Variants in SNX3 observed in about 807,000 individuals in gnomAD.
SNX3 encodes sorting nexin-3.
Under a neutral mutation model 17.7 loss-of-function variants are expected in SNX3, and 5 were observed. That is an observed-to-expected ratio of 0.28 (90% CI 0.15 to 0.59). The LOEUF is 0.59. SNX3 is among the 20% of genes least tolerant of loss of function. The pLI, the probability that SNX3 is intolerant of heterozygous loss-of-function variation, is 0.88. For synonymous variants in SNX3, 91 were observed against 76.5 expected (o/e 1.19, Z -0.99); for missense variants, 132 against 206.8 (o/e 0.64, Z 2.22).
intron 2 of SNX3, chr6:108,222,246 A>G: frequency 7.7e-7 from 1 of 1,304,280 alleles, no homozygotes; most frequent in Non-Finnish European, 1.0e-6. Flanking sequence ...TCTAGTCACA[A>G]AATAACTTTT....
intron 1 of SNX3, among the ~76,000 whole-genome samples, chr6:108,257,983 T>TA (rs926156009): frequency 1.3e-5 from 2 of 151,536 alleles, no homozygotes; most frequent in Non-Finnish European, 2.9e-5. Flanking sequence ...AAAATAAAAA[T>TA]AAAAAAAGAA....
chr6:108,244,468 T>C (rs1176990459), intron 1 of SNX3, among the ~76,000 whole-genome samples: 1 of 152,090 alleles, frequency 6.6e-6, no homozygotes, highest in African/African-American at 2.4e-5. Flanking sequence ...CCATACTGTT[T>C]GTTTCCATAT....
At chr6:108,228,234 C>T (rs1775031571) in intron 1 of SNX3, among the ~76,000 whole-genome samples, 1 of 151,942 alleles carries the variant, frequency 6.6e-6, no homozygotes, top group South Asian at 2.1e-4. Context: ...GTGAGACCCC[C>T]ATCTCTACAA....
chr6:108,223,497 CTTTTTTT>C (rs59920022), intron 1 of SNX3, among the ~76,000 whole-genome samples: 2,139 of 110,066 alleles, frequency 0.019, 14 homozygotes, highest in Non-Finnish European at 0.029. Context: ...TTTGCTAGTT[CTTTTTTT>C]TTTTTTTTTT....
intron 1 of SNX3, among the ~76,000 whole-genome samples, chr6:108,242,950 G>A (rs765041479): frequency 3.3e-5 from 5 of 151,986 alleles, no homozygotes; most frequent in African/African-American, 4.8e-5. Context: ...CCACAACCCC[G>A]ACCAACCTCC....
chr6:108,213,514 C>A (rs1014625258), intron 3 of SNX3, among the ~76,000 whole-genome samples: 1 of 151,786 alleles, frequency 6.6e-6, no homozygotes, highest in Non-Finnish European at 1.5e-5. Flanking sequence ...AAGCCAGACA[C>A]GATGGTGCGC....
intron 1 of SNX3, among the ~76,000 whole-genome samples, chr6:108,225,078 C>G (rs1005000994): frequency 6.6e-6 from 1 of 151,922 alleles, no homozygotes; most frequent in Admixed American, 6.6e-5. Flanking sequence ...GTCAGGAGAT[C>G]GAGACCATCC....
chr6:108,237,659 G>A (rs1487338986), intron 1 of SNX3, among the ~76,000 whole-genome samples: 3 of 151,660 alleles, frequency 2.0e-5, no homozygotes, highest in Non-Finnish European at 4.4e-5. Context: ...GCATGGTGGT[G>A]AGCGCCTGTA....
chr6:108,255,080 TTAA>T, intron 1 of SNX3, among the ~76,000 whole-genome samples: 1 of 152,212 alleles, frequency 6.6e-6, no homozygotes, highest in Non-Finnish European at 1.5e-5. Flanking sequence ...GATACATCCC[TTAA>T]CAGAACAGAA....
chr6:108,250,752 G>C (rs1203169740), intron 1 of SNX3, among the ~76,000 whole-genome samples: 1 of 152,100 alleles, frequency 6.6e-6, no homozygotes, highest in Non-Finnish European at 1.5e-5. Flanking sequence ...TAGAAAAAAC[G>C]GAAAGCAAAC....
chr6:108,260,293 G>A (rs56414434), intron 1 of SNX3, among the ~76,000 whole-genome samples: 2 of 152,304 alleles, frequency 1.3e-5, no homozygotes, highest in East Asian at 3.9e-4. Context: ...GCACAACCCA[G>A]GTTACTTTAG....
chr6:108,234,718 AAT>A (rs1400034798), intron 1 of SNX3, among the ~76,000 whole-genome samples: 2 of 151,976 alleles, frequency 1.3e-5, no homozygotes, highest in African/African-American at 2.4e-5. Context: ...ATTTTTATTA[AAT>A]ATATTATCAG....
At chr6:108,222,010 G>A (rs1359746490) in intron 2 of SNX3, among the ~76,000 whole-genome samples, 1 of 152,032 alleles carries the variant, frequency 6.6e-6, no homozygotes, top group Non-Finnish European at 1.5e-5. Context: ...TCCTGACTCG[G>A]CCTACCAAAG....
In SNX3 at chr6:108,222,024, C is replaced by T. The variant is rs1458365315; in HGVS notation, c.258+926G>A. 5.3e-5 allele frequency among the ~76,000 whole-genome samples: 8 copies of T among 151,924 alleles called. 1 individual carries two copies. Among genetic ancestry groups the T allele is most frequent in the Admixed American group, 2.0e-4 (3 of 15,254 alleles). On this transcript the variant is annotated intron_variant, in intron 2 of 3. Coordinates refer to ENST00000230085, the MANE Select transcript of SNX3 (RefSeq NM_003795.6). ...CTCCTGACTCGGCCTACCAAAGTAC[C>T]GAGATTATAGGCATGAGCCACCATG...
At chr6:108,223,485 A>T (rs1774873336) in intron 1 of SNX3, among the ~76,000 whole-genome samples, 1 of 143,718 alleles carries the variant, frequency 7.0e-6, no homozygotes, top group Non-Finnish European at 1.5e-5. Context: ...ACAAAATAAA[A>T]CTTTGCTAGT....
At chr6:108,247,561 AAAC>A (rs1351412007) in intron 1 of SNX3, among the ~76,000 whole-genome samples, 1 of 151,776 alleles carries the variant, frequency 6.6e-6, no homozygotes, top group Non-Finnish European at 1.5e-5. Context: ...AAACAAAAAA[AAAC>A]AACGTTTAAG....
rs748385231 is a variant in SNX3, at chr6:108,260,787, G to C, written c.135C>G (p.Arg45=). Residue 45 remains arginine (R), a synonymous_variant, in exon 1 of 4, where the codon CGC becomes CGG. Coordinates refer to ENST00000230085, the MANE Select transcript of SNX3 (RefSeq NM_003795.6). ...TGACCCTGATTTCGTAAGTGGTGAA[G>C]CGGCCCCGGCCGACCCCCACCGTTT... ...NPQTVGVGRG[R]FTTYEIRVKT... is the part of the protein sequence containing the mutation. 3.7e-6 allele frequency: 6 copies of C among 1,613,818 alleles called. No homozygotes were observed. Among genetic ancestry groups the C allele is most frequent in the Non-Finnish European group, 5.1e-6 (6 of 1,179,878 alleles).
intron 2 of SNX3, among the ~76,000 whole-genome samples, chr6:108,217,883 A>G (rs1218947485): frequency 6.6e-6 from 1 of 152,244 alleles, no homozygotes; most frequent in Admixed American, 6.5e-5. Context: ...CTAGAATAAA[A>G]GCTAAAAGAT....
chr6:108,248,104 G>A (rs1006442446), intron 1 of SNX3, among the ~76,000 whole-genome samples: 1 of 152,164 alleles, frequency 6.6e-6, no homozygotes, highest in Non-Finnish European at 1.5e-5. Context: ...TGCTGGCAGT[G>A]AAGCACAAAA....
Sources: allele counts gnomAD v4.1 joint callset (sites outside exome capture counted in the v4.1 genomes callset), GRCh38; gene constraint gnomAD v4.1.1; transcripts MANE v1.5; gene names NCBI Gene and HGNC (gene_info 2026-07-23, HGNC 2026-07-21).